SLC9A9: variants seen among roughly 807,000 people sequenced by gnomAD.
SLC9A9 encodes solute carrier family 9 member A9, also known as sodium/hydrogen exchanger 9.
A neutral mutation model predicts 77.8 loss-of-function variants in SLC9A9; 62 were observed. The ratio of observed to expected loss-of-function variants is 0.80; its 90% CI spans 0.65 to 0.98. SLC9A9 has a LOEUF of 0.98. SLC9A9 is among the 50% of genes least tolerant of loss of function. The pLI is 0.00. For missense variants in SLC9A9, 775 were observed against 774.9 expected, an observed-to-expected ratio of 1.00 and a Z score of 0.00; for synonymous variants, 320 against 283.5, an observed-to-expected ratio of 1.13 and a Z score of -1.29.
intron 2 of SLC9A9, among the ~76,000 whole-genome samples, chr3:143,817,135 T>A (rs967938892): frequency 1.9e-5 from 2 of 106,092 alleles, no homozygotes; most frequent in Non-Finnish European, 3.5e-5. Flanking sequence ...AAAAGTTTAT[T>A]TTTTTTTTTA....
chr3:143,753,729 T>C (rs62268871), intron 4 of SLC9A9, among the ~76,000 whole-genome samples: 70,671 of 151,938 alleles, frequency 0.47, 17,662 homozygotes, highest in East Asian at 0.77. Flanking sequence ...AGCTTTAAGC[T>C]GTGGCCAGCC....
chr3:143,546,837 T>A (rs776391819), intron 9 of SLC9A9, among the ~76,000 whole-genome samples: 4 of 152,240 alleles, frequency 2.6e-5, no homozygotes, highest in Non-Finnish European at 5.9e-5. Flanking sequence ...TGGTCCTACT[T>A]CTTCCTCCAG....
chr3:143,530,669 ACAAAC>A (rs748966235), intron 9 of SLC9A9, among the ~76,000 whole-genome samples: 5 of 141,190 alleles, frequency 3.5e-5, no homozygotes, highest in Admixed American at 7.2e-5. Context: ...AAACAAACAA[ACAAAC>A]AAAAACCAAA....
intron 11 of SLC9A9, among the ~76,000 whole-genome samples, chr3:143,474,681 G>C (rs1205122107): frequency 6.6e-6 from 1 of 151,866 alleles, no homozygotes; most frequent in Non-Finnish European, 1.5e-5. Context: ...CAAGCAGAGA[G>C]GCTGAGTGAG....
intron 4 of SLC9A9, among the ~76,000 whole-genome samples, chr3:143,768,760 A>G (rs992223983): frequency 6.6e-6 from 1 of 152,160 alleles, no homozygotes; most frequent in South Asian, 2.1e-4. Flanking sequence ...GGGAAATGGG[A>G]TTTCTTGGGA....
intron 4 of SLC9A9, among the ~76,000 whole-genome samples, chr3:143,721,712 A>G (rs1466477424): frequency 6.6e-6 from 1 of 152,178 alleles, no homozygotes; most frequent in Non-Finnish European, 1.5e-5. Flanking sequence ...CTCGGGCAGA[A>G]GTGACGGGTA....
chr3:143,411,732 G>T lies in SLC9A9; in HGVS notation c.1470-29618C>A, dbSNP rs77598439. Among the ~76,000 whole-genome samples, 1,014 of 152,088 alleles carry T rather than the reference G, an allele frequency of 6.7e-3. 36 individuals are homozygous for T. In the East Asian group the frequency reaches 0.083, roughly 12 times the overall value. On this transcript the variant is annotated intron_variant, in intron 12 of 15. Transcript: ENST00000316549. ...CTGCCATCCCTGGTTGCTCAGCCAG[G>T]TCTCTCTTCCCCTGGTTACAAGAGT...
intron 12 of SLC9A9, among the ~76,000 whole-genome samples, chr3:143,451,338 T>A (rs2035004121): frequency 6.6e-6 from 1 of 152,206 alleles, no homozygotes; most frequent in Admixed American, 6.5e-5. Context: ...TTTGGTAGAA[T>A]CCAGCACTTA....
chr3:143,437,629 C>T (rs1016942063), intron 12 of SLC9A9, among the ~76,000 whole-genome samples: 5 of 152,210 alleles, frequency 3.3e-5, no homozygotes, highest in South Asian at 2.1e-4. Context: ...AAATTCTATA[C>T]GCAGAGGGAG....
chr3:143,603,184 G>T (rs2037870482), intron 6 of SLC9A9, among the ~76,000 whole-genome samples: 1 of 152,162 alleles, frequency 6.6e-6, no homozygotes, highest in South Asian at 2.1e-4. Context: ...TTCACCCATA[G>T]AAGTCATCTC....
At chr3:143,627,397 T>TA in intron 6 of SLC9A9, 1 of 220,022 alleles carries the variant, frequency 4.5e-6, no homozygotes, top group Non-Finnish European at 9.6e-6. Flanking sequence ...AAAAAGAACA[T>TA]AGAGACTCTG....
In SLC9A9 at chr3:143,582,772, T is replaced by C. The variant is rs11918424; in HGVS notation, c.756-4049A>G. ...ACAAGAATAGGTCAGGAGACTCAGC[T>C]TGAGTTGCATCTCTTCAAGTTTAGT... On this transcript the variant is annotated intron_variant, in intron 6 of 15. Transcript: ENST00000316549. Among the ~76,000 whole-genome samples, 1,034 of 152,332 alleles carry C rather than the reference T, an allele frequency of 6.8e-3. 13 individuals are homozygous for C. The highest frequency in any genetic ancestry group is 0.024 in the African/African-American group (983 of 41,578).
intron 6 of SLC9A9, among the ~76,000 whole-genome samples, chr3:143,622,386 A>T (rs1249989617): frequency 6.6e-6 from 1 of 152,246 alleles, no homozygotes; most frequent in African/African-American, 2.4e-5. Flanking sequence ...TTACCCACAA[A>T]GGGAAGCCCA....
At chr3:143,452,931 A>G (rs1288944203) in intron 12 of SLC9A9, among the ~76,000 whole-genome samples, 2 of 152,088 alleles carry the variant, frequency 1.3e-5, no homozygotes, top group Non-Finnish European at 2.9e-5. Context: ...TGTGATGACT[A>G]TTCTCACATT....
chr3:143,379,822 CT>C (rs1252174260), intron 13 of SLC9A9, among the ~76,000 whole-genome samples: 2 of 152,142 alleles, frequency 1.3e-5, no homozygotes, highest in African/African-American at 2.4e-5. Context: ...TCTATAAGGC[CT>C]TATGATCTGC....
In SLC9A9 at chr3:143,838,662, C is replaced by T. The variant is rs910552865; in HGVS notation, c.176-6441G>A. 6.6e-5 allele frequency among the ~76,000 whole-genome samples: 10 copies of T among 152,116 alleles called. 1 individual carries two copies. The highest frequency in any genetic ancestry group is 1.5e-4 in the Non-Finnish European group (10 of 68,012). ...AGGAATTCCAAGATGAAAGGAATAACGTTCAAGGAAGAATGTTCTTTACCA... is the reference window on the plus strand; with the variant it reads ...AGGAATTCCAAGATGAAAGGAATAATGTTCAAGGAAGAATGTTCTTTACCA... On this transcript the variant is annotated intron_variant, in intron 1 of 15. Coordinates refer to ENST00000316549, the MANE Select transcript of SLC9A9 (RefSeq NM_173653.4).
chr3:143,433,010 G>A (rs2034553298), intron 12 of SLC9A9, among the ~76,000 whole-genome samples: 1 of 152,188 alleles, frequency 6.6e-6, no homozygotes, highest in Non-Finnish European at 1.5e-5. Flanking sequence ...GCACCAATCA[G>A]CCCTGGTGGT....
chr3:143,366,924 C>T (rs1269796404), intron 13 of SLC9A9, among the ~76,000 whole-genome samples: 1 of 152,076 alleles, frequency 6.6e-6, no homozygotes, highest in African/African-American at 2.4e-5. Context: ...TATACATACC[C>T]CAAAACATAA....
chr3:143,665,415 A>G (rs1177684575), intron 5 of SLC9A9, among the ~76,000 whole-genome samples: 2 of 152,206 alleles, frequency 1.3e-5, no homozygotes, highest in African/African-American at 4.8e-5. Context: ...CTAACATCAC[A>G]ATTAAAAGAA....
Sources: allele counts gnomAD v4.1 joint callset (sites outside exome capture counted in the v4.1 genomes callset), GRCh38; gene constraint gnomAD v4.1.1; transcripts MANE v1.5; gene names NCBI Gene and HGNC (gene_info 2026-07-23, HGNC 2026-07-21).